LRRK1: variants seen among roughly 807,000 people sequenced by gnomAD.
LRRK1 encodes leucine rich repeat kinase 1.
A neutral mutation model predicts 209.1 loss-of-function variants in LRRK1; 113 were observed. That is an observed-to-expected ratio of 0.54 (90% CI 0.46 to 0.63). The LOEUF is 0.63. LRRK1 is among the 30% of genes least tolerant of loss of function. The probability of loss-of-function intolerance (pLI) is 0.00; values close to 1 mark genes in which losing one functional copy is unlikely to be tolerated. For missense variants in LRRK1, 2,284 were observed against 2,632.2 expected, an observed-to-expected ratio of 0.87 and a Z score of 2.89; for synonymous variants, 1,144 against 1,099.7, an observed-to-expected ratio of 1.04 and a Z score of -0.80.
intron 20 of LRRK1, among the ~76,000 whole-genome samples, chr15:101,045,472 T>C (rs1273834168): frequency 6.6e-6 from 1 of 152,248 alleles, no homozygotes; most frequent in Non-Finnish European, 1.5e-5. Flanking sequence ...AAAACAGGCC[T>C]ATTCTAACTT....
intron 21 of LRRK1, among the ~76,000 whole-genome samples, chr15:101,046,568 T>C (rs745947215): frequency 1.3e-5 from 2 of 152,192 alleles, no homozygotes; most frequent in Non-Finnish European, 2.9e-5. Flanking sequence ...ACCGTGAAGT[T>C]AGAAGCACGG....
intron 20 of LRRK1, among the ~76,000 whole-genome samples, chr15:101,041,703 G>A (rs1048200391): frequency 2.0e-5 from 3 of 152,174 alleles, no homozygotes; most frequent in African/African-American, 7.2e-5. Flanking sequence ...CTTCTATACA[G>A]TAGTCCCCCT....
chr15:100,991,301 T>C (rs1238219898), intron 6 of LRRK1, among the ~76,000 whole-genome samples: 2 of 152,198 alleles, frequency 1.3e-5, no homozygotes, highest in Admixed American at 6.5e-5. Context: ...TTCAAAGATA[T>C]CTTGACTGGA....
At chr15:100,934,616 C>T (rs1351014543) in intron 2 of LRRK1, among the ~76,000 whole-genome samples, 3 of 127,128 alleles carry the variant, frequency 2.4e-5, no homozygotes, top group African/African-American at 9.6e-5. Flanking sequence ...ATGGCAAAAC[C>T]CCATCTCTAC....
At position 101,015,626 on chromosome 15, in the gene LRRK1, G is replaced by A. The variant is rs148956827; in HGVS notation, c.1609+224G>A. Among the ~76,000 whole-genome samples the A allele has an allele frequency of 3.9e-5, 6 of 152,314 alleles. No individual in the cohort carries two copies. The East Asian group carries it at 1.2e-3, about 29-fold the overall frequency. On this transcript the variant is annotated intron_variant, in intron 12 of 33. Coordinates refer to ENST00000388948, the MANE Select transcript of LRRK1 (RefSeq NM_024652.6). ...GTATCCTCAAGCCCCACTCTCCTGCGTGGAGGCCAGTGATGCCAGCAGCTA... is the reference window on the plus strand; with the variant it reads ...GTATCCTCAAGCCCCACTCTCCTGCATGGAGGCCAGTGATGCCAGCAGCTA...
At chr15:101,002,946 G>A (rs1199517789) in intron 6 of LRRK1, among the ~76,000 whole-genome samples, 5 of 152,158 alleles carry the variant, frequency 3.3e-5, no homozygotes, top group Admixed American at 3.3e-4. Flanking sequence ...TGTCCAGGCT[G>A]ATCGTGAGCT....
chr15:100,941,462 CTCTGTGTGTGTG>C (rs1340280882), intron 2 of LRRK1, among the ~76,000 whole-genome samples: 1 of 16,470 alleles, frequency 6.1e-5, no homozygotes, highest in Middle Eastern at 0.042. Context: ...GTGTCTATGT[CTCTGTGTGTGTG>C]TGTGTGTGTG....
rs549997085 is a variant in LRRK1 at position 101,065,660 on chromosome 15, C to A, written c.5223C>A (p.Cys1741Ter). The change falls in exon 32 of 34, where the codon TGC becomes TGA. Residue 1741 changes from cysteine (C) to a stop codon, truncating the protein, a stop_gained. Coordinates refer to ENST00000388948, the MANE Select transcript of LRRK1 (RefSeq NM_024652.6). LOFTEE classifies it high-confidence loss of function. ...CCTCCATGGTTACGTCAGTCGTGTG[C>A]AGCTCTGAGGGCAGAGGGGAGGAGG... ...MAPSMVTSVV[C>*]SSEGRGEEVV... is the part of the protein sequence containing the mutation. 6.2e-7 allele frequency: 1 copy of A among 1,614,116 alleles called. No homozygotes were observed. Among genetic ancestry groups the A allele is most frequent in the Non-Finnish European group, 8.5e-7 (1 of 1,180,022 alleles).
intron 20 of LRRK1, among the ~76,000 whole-genome samples, chr15:101,031,474 T>A (rs1244752061): frequency 1.3e-5 from 2 of 152,230 alleles, no homozygotes; most frequent in African/African-American, 4.8e-5. Context: ...TATTCCATTG[T>A]ATGGCTTTAC....
chr15:100,922,237 G>A (rs538592445), intron 1 of LRRK1, among the ~76,000 whole-genome samples: 10 of 152,172 alleles, frequency 6.6e-5, no homozygotes, highest in African/African-American at 7.2e-5. Context: ...GCAAAGATCC[G>A]TTTGAGGGCA....
Position 101,022,737 on chromosome 15 carries a change from C to A in LRRK1, c.2067+140C>A, listed in dbSNP as rs184159293. ...GCCCTTTGCAGGAGCCACTGTGTAC[C>A]ATTCCATACCAGCTTCTGCCAAGAG... On this transcript the variant is annotated intron_variant, in intron 15 of 33. Coordinates refer to ENST00000388948, the MANE Select transcript of LRRK1 (RefSeq NM_024652.6). This position sits in a 1 kb window ranked among gnomAD's most constrained non-coding sequence, Gnocchi z 4.0. 6,594 of 577,490 alleles carry A rather than the reference C, an allele frequency of 0.011. 236 individuals carry two copies. Among genetic ancestry groups the A allele is most frequent in the East Asian group, 0.081 (2,827 of 34,810 alleles). The allele number at this position is 577,490 out of a possible 1,614,324, so 35.8% of individuals were successfully genotyped here. A position where few individuals can be genotyped will look rare whatever the true frequency, so the allele number is the denominator to read the frequency against.
chr15:100,995,136 G>A (rs559975965), intron 6 of LRRK1, among the ~76,000 whole-genome samples: 2 of 152,242 alleles, frequency 1.3e-5, no homozygotes, highest in Admixed American at 6.5e-5. Context: ...AAGCAGTCAC[G>A]GGCCACGCGA....
intron 7 of LRRK1, among the ~76,000 whole-genome samples, chr15:101,009,844 C>T (rs1415580228): frequency 6.6e-6 from 1 of 152,200 alleles, no homozygotes; most frequent in Non-Finnish European, 1.5e-5. Flanking sequence ...CCTCGGCCTC[C>T]CAAAGTGCTG....
At chr15:101,002,747 A>C (rs561822215) in intron 6 of LRRK1, among the ~76,000 whole-genome samples, 1,544 of 151,660 alleles carry the variant, frequency 0.01, 33 homozygotes, top group African/African-American at 0.036. Flanking sequence ...TTTATTTTTT[A>C]TTTTGAGATG....
chr15:101,030,922 C>G (rs1166867703), intron 20 of LRRK1, among the ~76,000 whole-genome samples: 1 of 152,194 alleles, frequency 6.6e-6, no homozygotes, highest in Non-Finnish European at 1.5e-5. Flanking sequence ...CACTCTCCCC[C>G]AAGTCCCCAA....
chr15:101,022,410 G>A lies in LRRK1; in HGVS notation c.1880G>A (p.Arg627His), dbSNP rs753941048. ...CCCAAAGCAATGCTGTCTTACCTGC[G>A]TGCTCAGCTGCGGAAAGCGGAAAAG... is the stretch of plus-strand genomic sequence containing the variant. ...EGPKAMLSYL[R>H]AQLRKAEKCK... The change falls in exon 15 of 34, where the codon CGT (arginine) becomes CAT (histidine). Residue 627 changes from arginine (R) to histidine (H), a missense_variant. By Grantham distance (29) the Arg-to-His change is conservative. Around this residue, in one of 6 missense-constraint regions of LRRK1, gnomAD observed 494 missense variants for 522.1 expected, o/e 0.95. Coordinates refer to ENST00000388948, the MANE Select transcript of LRRK1 (RefSeq NM_024652.6). This position sits in a 1 kb window ranked among gnomAD's most constrained non-coding sequence, Gnocchi z 4.0. 2.7e-5 allele frequency: 44 copies of A among 1,614,078 alleles called. No homozygotes were observed. Among genetic ancestry groups the A allele is most frequent in the South Asian group, 2.4e-4 (22 of 91,092 alleles).
At chr15:101,046,255 A>C in intron 21 of LRRK1, 103 bp downstream of exon 21, 1 of 1,267,318 alleles carries the variant, frequency 7.9e-7, no homozygotes, top group Non-Finnish European at 1.1e-6. Flanking sequence ...CTGCCTGGAG[A>C]CCCTTCTCCT....
chr15:100,988,929 C>A, intron 5 of LRRK1, 116 bp downstream of exon 5: 1 of 808,814 alleles, frequency 1.2e-6, no homozygotes, highest in Non-Finnish European at 1.9e-6. Context: ...TGTGAGGAGA[C>A]TTTTGCAACT....
intron 1 of LRRK1, among the ~76,000 whole-genome samples, chr15:100,923,049 G>T (rs1295103030): frequency 6.6e-6 from 1 of 152,194 alleles, no homozygotes; most frequent in African/African-American, 2.4e-5. Context: ...GCTGGCATCT[G>T]CCCTCCAGCA....
Sources: allele counts gnomAD v4.1 joint callset (sites outside exome capture counted in the v4.1 genomes callset), GRCh38; gene constraint gnomAD v4.1.1; regional missense constraint gnomAD v4.1.1; non-coding constraint Gnocchi (gnomAD v3.1); transcripts MANE v1.5; gene names NCBI Gene and HGNC (gene_info 2026-07-23, HGNC 2026-07-21).